The following RBM20 variants were observed in gnomAD, a reference collection of about 807,000 sequenced individuals.
The protein encoded by RBM20 is RNA-binding protein 20.
A neutral mutation model predicts 110.1 loss-of-function variants in RBM20; 51 were observed. The ratio of observed to expected loss-of-function variants is 0.46; its 90% CI spans 0.37 to 0.59. The LOEUF (loss-of-function observed/expected upper bound fraction) is 0.59, where lower values mean the gene tolerates loss of function less well. RBM20 is among the 20% of genes least tolerant of loss of function. The pLI is 0.00. For missense variants in RBM20, 1,512 were observed against 1,574.9 expected, an observed-to-expected ratio of 0.96 and a Z score of 0.68; for synonymous variants, 589 against 618.2, an observed-to-expected ratio of 0.95 and a Z score of 0.70.
At chr10:110,707,992 T>C (rs929645146) in intron 1 of RBM20, among the ~76,000 whole-genome samples, 1 of 152,220 alleles carries the variant, frequency 6.6e-6, no homozygotes, top group Non-Finnish European at 1.5e-5. Flanking sequence ...ACACCACATG[T>C]ACTCCACAAA....
intron 7 of RBM20, among the ~76,000 whole-genome samples, chr10:110,804,170 C>T (rs1003934504): frequency 8.5e-5 from 13 of 152,202 alleles, no homozygotes; most frequent in Non-Finnish European, 1.6e-4. Context: ...TAGCTTAGCA[C>T]AGGTGCACAT....
chr10:110,706,457 C>T (rs755884487), intron 1 of RBM20, among the ~76,000 whole-genome samples: 13 of 152,240 alleles, frequency 8.5e-5, no homozygotes, highest in Non-Finnish European at 1.6e-4. Context: ...CACAGAGCTG[C>T]CTCCCTTTTC....
chr10:110,667,865 A>G (rs1021878258), intron 1 of RBM20, among the ~76,000 whole-genome samples: 2 of 152,102 alleles, frequency 1.3e-5, no homozygotes, highest in African/African-American at 2.4e-5. Context: ...CCCCCCATGC[A>G]TGTGACCTGC....
intron 1 of RBM20, among the ~76,000 whole-genome samples, chr10:110,722,561 A>T (rs1012396584): frequency 6.6e-6 from 1 of 152,238 alleles, no homozygotes. Context: ...GAAAATTAAA[A>T]TTTAATTACA....
At chr10:110,801,968 C>T (rs556334408) in intron 7 of RBM20, among the ~76,000 whole-genome samples, 1 of 152,266 alleles carries the variant, frequency 6.6e-6, no homozygotes, top group East Asian at 1.9e-4. Flanking sequence ...AGGTCATCTG[C>T]CCATGCTTTT....
intron 1 of RBM20, among the ~76,000 whole-genome samples, chr10:110,765,521 C>T (rs773607927): frequency 4.6e-5 from 7 of 152,032 alleles, no homozygotes; most frequent in Non-Finnish European, 1.0e-4. Context: ...TTCATTGTCG[C>T]CAAGCAAGCA....
At chr10:110,654,621 C>T (rs1386466557) in intron 1 of RBM20, among the ~76,000 whole-genome samples, 3 of 151,808 alleles carry the variant, frequency 2.0e-5, no homozygotes, top group Non-Finnish European at 1.5e-5. Flanking sequence ...AGTCTTGGGG[C>T]TGGTCAGTGA....
At chr10:110,829,437 T>C (rs1845020883) in intron 12 of RBM20, among the ~76,000 whole-genome samples, 1 of 152,136 alleles carries the variant, frequency 6.6e-6, no homozygotes, top group African/African-American at 2.4e-5. Context: ...GGACCACTGC[T>C]GAGGGCATGG....
intron 1 of RBM20, among the ~76,000 whole-genome samples, chr10:110,763,651 G>T (rs1490872234): frequency 6.6e-6 from 1 of 152,036 alleles, no homozygotes; most frequent in African/African-American, 2.4e-5. Context: ...GCAGGAGAAC[G>T]GTGGCTCCTC....
chr10:110,673,825 T>C (rs1214576288), intron 1 of RBM20, among the ~76,000 whole-genome samples: 1 of 152,180 alleles, frequency 6.6e-6, no homozygotes, highest in African/African-American at 2.4e-5. Context: ...TTGTGTTGGA[T>C]TGCTAAGTTC....
At chr10:110,773,258 A>T (rs1844217543) in intron 1 of RBM20, among the ~76,000 whole-genome samples, 1 of 152,260 alleles carries the variant, frequency 6.6e-6, no homozygotes, top group Non-Finnish European at 1.5e-5. Context: ...CTATATATAG[A>T]TACAGGCAGA....
intron 1 of RBM20, among the ~76,000 whole-genome samples, chr10:110,696,317 C>T (rs1862662876): frequency 6.6e-6 from 1 of 152,192 alleles, no homozygotes; most frequent in South Asian, 2.1e-4. Flanking sequence ...CAGCTAGTCC[C>T]CTGGCTTTTT....
chr10:110,745,089 G>C (rs1253999036), intron 1 of RBM20, among the ~76,000 whole-genome samples: 4 of 152,202 alleles, frequency 2.6e-5, no homozygotes, highest in Admixed American at 2.0e-4. Flanking sequence ...GCAGTTGCTT[G>C]AATACAAACC....
At chr10:110,835,341 T>C (rs1274074341) in intron 13 of RBM20, 6 of 4,458 alleles carry the variant, frequency 1.3e-3, no homozygotes, top group Non-Finnish European at 8.5e-3. Flanking sequence ...TTTTTTTTCT[T>C]TTTTTTTTTT....
At chr10:110,777,170 C>G (rs1400636731) in intron 1 of RBM20, among the ~76,000 whole-genome samples, 2 of 152,188 alleles carry the variant, frequency 1.3e-5, no homozygotes, top group Non-Finnish European at 2.9e-5. Context: ...ACTCCTTTCT[C>G]TTGTGGAACT....
At chr10:110,829,262 C>T (rs964641633) in intron 12 of RBM20, among the ~76,000 whole-genome samples, 49 of 152,226 alleles carry the variant, frequency 3.2e-4, no homozygotes, top group Non-Finnish European at 5.6e-4. Context: ...TGCGCCTCTG[C>T]CAGCACCAAC....
rs760246427 is a variant in RBM20, at chr10:110,758,014, C to CTTTTTTTTTTTTTTTTTTTTT, written c.192-22783_192-22763dup. Among the ~76,000 whole-genome samples, 3 of 79,910 alleles carry CTTTTTTTTTTTTTTTTTTTTT rather than the reference C, an allele frequency of 3.8e-5. 1 individual carries two copies. The highest frequency in any genetic ancestry group is 1.6e-4 in the African/African-American group (3 of 19,172). 52.4% of individuals were successfully genotyped at this position (79,910 alleles called of 152,430 possible). A position where few individuals can be genotyped will look rare whatever the true frequency, so the allele number is the denominator to read the frequency against. ...AGAAAAGACAGGCAAGATCCTTGTT[C>CTTTTTTTTTTTTTTTTTTTTT]TTTTTTTTTTTTTTTTTTTTTTTTG... On this transcript the variant is annotated intron_variant, in intron 1 of 13. Coordinates refer to ENST00000369519, the MANE Select transcript of RBM20 (RefSeq NM_001134363.3).
intron 1 of RBM20, among the ~76,000 whole-genome samples, chr10:110,653,099 T>C (rs1024716380): frequency 3.3e-5 from 5 of 152,254 alleles, no homozygotes; most frequent in Admixed American, 6.5e-5. Context: ...CTACCTTCCT[T>C]TCATACCCAG....
At chr10:110,812,223 G>A in intron 8 of RBM20, 55 bp from the exon 9 acceptor site, 1 of 1,415,154 alleles carries the variant, frequency 7.1e-7, no homozygotes, top group East Asian at 2.5e-5. Context: ...GTGTGTGGGT[G>A]GGGTGGGATG....
Sources: gnomAD v4.1 joint callset for allele counts (sites outside exome capture counted in the v4.1 genomes callset) on GRCh38, gnomAD v4.1.1 for gene constraint, MANE v1.5 for transcripts, NCBI Gene and HGNC (gene_info 2026-07-23, HGNC 2026-07-21) for gene names.